Variants in ARHGAP44 observed in about 807,000 individuals in gnomAD.
ARHGAP44 encodes the protein Rho GTPase activating protein 44.
In ARHGAP44, 43 loss-of-function variants were observed where a neutral mutation model predicts 106.8. The ratio of observed to expected loss-of-function variants is 0.40; its 90% CI spans 0.32 to 0.52. The LOEUF (loss-of-function observed/expected upper bound fraction) is 0.52. ARHGAP44 is among the 20% of genes least tolerant of loss of function. The pLI, the probability that ARHGAP44 is intolerant of heterozygous loss-of-function variation, is 0.48. For missense variants in ARHGAP44, 866 were observed against 1,050.5 expected (o/e 0.82, Z 2.43); for synonymous variants, 439 against 410.3 (o/e 1.07, Z -0.85).
rs377766328 is a variant in ARHGAP44, at chr17:12,909,022, C to T, written c.275+49C>T. 5.0e-5 allele frequency: 75 copies of T among 1,506,314 alleles called. 3 individuals are homozygous for T. The Middle Eastern group carries it at 1.7e-3, about 35-fold the overall frequency. 93.3% of individuals were successfully genotyped at this position (1,506,314 alleles called of 1,614,324 possible). On this transcript the variant is annotated intron_variant, in intron 4 of 20. Transcript: ENST00000379672. ...TTGGTGCCAAATCTAAGTAAGTCCCCATCCGTGAAAAGGGGACTAGACCCT... is the reference window on the plus strand; with the variant it reads ...TTGGTGCCAAATCTAAGTAAGTCCCTATCCGTGAAAAGGGGACTAGACCCT...
intron 6 of ARHGAP44, among the ~76,000 whole-genome samples, chr17:12,921,782 A>G (rs1471217583): frequency 3.3e-5 from 5 of 152,178 alleles, no homozygotes; most frequent in African/African-American, 1.2e-4. Flanking sequence ...CGCAAGGAGT[A>G]ACATTCGTGG....
chr17:12,951,103 G>A (rs565582646), intron 12 of ARHGAP44, among the ~76,000 whole-genome samples: 1 of 152,242 alleles, frequency 6.6e-6, no homozygotes, highest in African/African-American at 2.4e-5. Flanking sequence ...TGAATATATG[G>A]TTCTCTTTTA....
intron 1 of ARHGAP44, among the ~76,000 whole-genome samples, chr17:12,873,785 C>T (rs1267303368): frequency 6.6e-6 from 1 of 152,060 alleles, no homozygotes; most frequent in Non-Finnish European, 1.5e-5. Context: ...GTAATCCCAG[C>T]TACTGGGGAG....
intron 6 of ARHGAP44, among the ~76,000 whole-genome samples, chr17:12,922,585 A>G (rs2038115558): frequency 6.6e-6 from 1 of 152,164 alleles, no homozygotes; most frequent in South Asian, 2.1e-4. Flanking sequence ...CCACATTTCC[A>G]CCACAGAGCC....
At chr17:12,790,137 C>A (rs1427193973) in intron 1 of ARHGAP44, 5 of 472,892 alleles carry the variant, frequency 1.1e-5, no homozygotes, top group Non-Finnish European at 1.9e-5. Flanking sequence ...GTGACGCATC[C>A]TTTACCTGCG....
chr17:12,797,753 A>G (rs1420180120), intron 1 of ARHGAP44, among the ~76,000 whole-genome samples: 4 of 151,870 alleles, frequency 2.6e-5, no homozygotes, highest in Non-Finnish European at 5.9e-5. Context: ...GTCTCTCAGT[A>G]TTACTTTTTA....
chr17:12,854,826 C>T lies in ARHGAP44; in HGVS notation c.54-40114C>T, dbSNP rs374965053. Among the ~76,000 whole-genome samples, 232 of 152,034 alleles carry T rather than the reference C, an allele frequency of 1.5e-3. 1 individual carries two copies. The highest frequency in any genetic ancestry group is 4.5e-3 in the African/African-American group (188 of 41,466). The stretch of plus-strand genomic sequence containing the variant: ...ATACAAAATTAGCCAGGCGTGGTGG[C>T]GCATGCCTGTAATCTCAGCTACTTG... On this transcript the variant is annotated intron_variant, in intron 1 of 20. Transcript: ENST00000379672.
In ARHGAP44 at chr17:12,962,670, C is replaced by A. The variant is rs1035411614; in HGVS notation, c.1523+3773C>A. ...GCCACAAGCCAGAGATTGCCAACAG[C>A]CACCAGAAGCTAGAAGAGAGAGCAA... On this transcript the variant is annotated intron_variant, in intron 16 of 20. Transcript: ENST00000379672. Among the ~76,000 whole-genome samples the A allele has an allele frequency of 2.6e-5, 4 of 152,136 alleles. 1 individual carries two copies. Among genetic ancestry groups the A allele is most frequent in the Admixed American group, 2.0e-4 (3 of 15,272 alleles).
At chr17:12,797,399 A>G (rs1455310876) in intron 1 of ARHGAP44, among the ~76,000 whole-genome samples, 2 of 152,212 alleles carry the variant, frequency 1.3e-5, no homozygotes, top group Non-Finnish European at 2.9e-5. Context: ...ATATTGAAGT[A>G]TCATCATCAT....
At chr17:12,897,237 C>T (rs188026206) in intron 3 of ARHGAP44, among the ~76,000 whole-genome samples, 1 of 145,402 alleles carries the variant, frequency 6.9e-6, no homozygotes, top group East Asian at 2.1e-4. Flanking sequence ...AGTTTATAAT[C>T]TACATGATTG....
chr17:12,909,360 A>G (rs938980989), intron 4 of ARHGAP44, among the ~76,000 whole-genome samples: 3 of 152,232 alleles, frequency 2.0e-5, no homozygotes, highest in African/African-American at 7.2e-5. Context: ...AGCAGACACA[A>G]TCAGTAGAAG....
intron 19 of ARHGAP44, among the ~76,000 whole-genome samples, chr17:12,982,382 T>C (rs2039856059): frequency 6.6e-6 from 1 of 151,954 alleles, no homozygotes; most frequent in Non-Finnish European, 1.5e-5. Context: ...ATCCTATTCC[T>C]GTCACCACCG....
chr17:12,876,866 G>A (rs1316890127), intron 1 of ARHGAP44, among the ~76,000 whole-genome samples: 1 of 148,252 alleles, frequency 6.7e-6, no homozygotes, highest in African/African-American at 2.5e-5. Context: ...ACCCGAGACT[G>A]TGCCACTGCA....
rs568696588 is a variant in ARHGAP44, at chr17:12,942,120, CA to C, written c.651+998del. Among the ~76,000 whole-genome samples the C allele has an allele frequency of 3.3e-3, 509 of 152,236 alleles. 3 individuals are homozygous for C. Among genetic ancestry groups the C allele is most frequent in the African/African-American group, 0.012 (484 of 41,562 alleles). Reference sequence around the variant, plus strand: ...AAAAGGAGTTGATATGCATTACTTCCAACTTGGAAAGTTTAATTAATTAATT... The same window carrying C: ...AAAAGGAGTTGATATGCATTACTTCCACTTGGAAAGTTTAATTAATTAATT... On this transcript the variant is annotated intron_variant, in intron 8 of 20. Transcript: ENST00000379672.
rs115469234 is a variant in ARHGAP44, at chr17:12,806,230, G to A, written c.53+16339G>A. 6.3e-3 allele frequency among the ~76,000 whole-genome samples: 962 copies of A among 152,258 alleles called. 15 individuals are homozygous for A. Among genetic ancestry groups the A allele is most frequent in the African/African-American group, 0.022 (917 of 41,554 alleles). ...CGTGATGAGAAAATAGTTGAGTTTG[G>A]TTGTAGTGGGGGCTTGGAAGAAAGT... is the stretch of plus-strand genomic sequence containing the variant. On this transcript the variant is annotated intron_variant, in intron 1 of 20. Transcript: ENST00000379672.
intron 1 of ARHGAP44, among the ~76,000 whole-genome samples, chr17:12,873,075 T>C (rs1345383878): frequency 1.3e-5 from 2 of 152,012 alleles, no homozygotes; most frequent in Non-Finnish European, 1.5e-5. Context: ...TAGCCTTTCG[T>C]TGCTGCTAAG....
At chr17:12,892,805 TG>T (rs149443143) in intron 1 of ARHGAP44, among the ~76,000 whole-genome samples, 22,310 of 137,530 alleles carry the variant, frequency 0.16, 2,608 homozygotes, top group East Asian at 0.4. Context: ...TTTTTTTTTT[TG>T]TCAATTAGAT....
chr17:12,951,890 T>C (rs901532139), intron 12 of ARHGAP44, among the ~76,000 whole-genome samples: 1 of 152,198 alleles, frequency 6.6e-6, no homozygotes. Context: ...CTCCCAAGGC[T>C]ATTGGGTTGA....
intron 19 of ARHGAP44, chr17:12,983,100 C>G (rs1164906615): frequency 6.6e-6 from 1 of 151,958 alleles, no homozygotes; most frequent in African/African-American, 2.4e-5. Context: ...CCCATCTCTA[C>G]CAAAAATACA....
Sources: gnomAD v4.1 joint callset for allele counts (sites outside exome capture counted in the v4.1 genomes callset) on GRCh38, gnomAD v4.1.1 for gene constraint, MANE v1.5 for transcripts, NCBI Gene and HGNC (gene_info 2026-07-23, HGNC 2026-07-21) for gene names.